The following TSPAN9 variants were observed in gnomAD, a reference collection of about 807,000 sequenced individuals.
TSPAN9 encodes tetraspanin-9.
A neutral mutation model predicts 31.0 loss-of-function variants in TSPAN9; 16 were observed. That is an observed-to-expected ratio of 0.52 (90% CI 0.35 to 0.78). TSPAN9 has a LOEUF of 0.78. Ranked by LOEUF, TSPAN9 falls within the 30% of genes least tolerant of loss-of-function variation. The probability of loss-of-function intolerance (pLI) is 0.01; values close to 1 mark genes in which losing one functional copy is unlikely to be tolerated. For missense variants in TSPAN9, 272 were observed against 312.5 expected (o/e 0.87, Z 0.98); for synonymous variants, 145 against 121.6 (o/e 1.19, Z -1.27).
At chr12:3,264,550 G>T (rs1441058594) in intron 3 of TSPAN9, among the ~76,000 whole-genome samples, 2 of 152,206 alleles carry the variant, frequency 1.3e-5, no homozygotes, top group African/African-American at 4.8e-5. Flanking sequence ...GCTGCTGCAG[G>T]CCTGGGTGGA....
At chr12:3,117,862 G>A (rs916144888) in intron 2 of TSPAN9, among the ~76,000 whole-genome samples, 5 of 152,220 alleles carry the variant, frequency 3.3e-5, no homozygotes, top group South Asian at 2.1e-4. Context: ...CCCCTCCAGC[G>A]AGAGGAAGCA....
At chr12:3,202,593 C>G (rs374716536) in intron 3 of TSPAN9, among the ~76,000 whole-genome samples, 1 of 152,074 alleles carries the variant, frequency 6.6e-6, no homozygotes, top group Non-Finnish European at 1.5e-5. Context: ...TAGGGGCTGT[C>G]GTGATGGTCT....
At chr12:3,218,030 C>G (rs1218145735) in intron 3 of TSPAN9, among the ~76,000 whole-genome samples, 1 of 152,028 alleles carries the variant, frequency 6.6e-6, no homozygotes, top group Non-Finnish European at 1.5e-5. Context: ...TTGGGGCCAG[C>G]TGAGTTTTGC....
chr12:3,184,595 G>A (rs900084463), intron 2 of TSPAN9, among the ~76,000 whole-genome samples: 1 of 152,168 alleles, frequency 6.6e-6, no homozygotes, highest in African/African-American at 2.4e-5. Flanking sequence ...GCTCCCCGAT[G>A]ATAGCACCGT....
intron 2 of TSPAN9, among the ~76,000 whole-genome samples, chr12:3,165,630 G>A (rs11832874): frequency 0.041 from 6,297 of 152,222 alleles, 429 homozygotes; most frequent in African/African-American, 0.14. Context: ...AGAGTTGCTC[G>A]CAAAGCTGTG....
intron 3 of TSPAN9, among the ~76,000 whole-genome samples, chr12:3,273,556 C>T (rs551744255): frequency 6.6e-6 from 1 of 152,228 alleles, no homozygotes; most frequent in Non-Finnish European, 1.5e-5. Context: ...AGACAAACCC[C>T]TGGTTTTGGA....
chr12:3,216,643 G>A (rs533091157), intron 3 of TSPAN9, among the ~76,000 whole-genome samples: 1 of 152,244 alleles, frequency 6.6e-6, no homozygotes, highest in African/African-American at 2.4e-5. Flanking sequence ...ACTGGAACCC[G>A]GAGTGGCCCT....
intron 2 of TSPAN9, among the ~76,000 whole-genome samples, chr12:3,106,205 CAT>C (rs2098314614): frequency 6.6e-6 from 1 of 152,262 alleles, no homozygotes; most frequent in South Asian, 2.1e-4. Context: ...TTGGGGGACA[CAT>C]GTCAGAGACG....
chr12:3,131,601 T>C (rs1591640909), intron 2 of TSPAN9, among the ~76,000 whole-genome samples: 2 of 152,138 alleles, frequency 1.3e-5, no homozygotes, highest in Admixed American at 1.3e-4. Flanking sequence ...ATGCTGGCTG[T>C]GATGTGTGCT....
At chr12:3,121,533 C>CTTTTTTTT (rs59376087) in intron 2 of TSPAN9, among the ~76,000 whole-genome samples, 7 of 92,914 alleles carry the variant, frequency 7.5e-5, no homozygotes, top group South Asian at 3.8e-4. Flanking sequence ...CTAATTAAAA[C>CTTTTTTTT]TTTTTTTTTT....
chr12:3,198,549 CCACCACCAGCACAGGT>C (rs1565610421), intron 2 of TSPAN9, among the ~76,000 whole-genome samples: 33 of 106,938 alleles, frequency 3.1e-4, no homozygotes, highest in Non-Finnish European at 3.8e-4. Flanking sequence ...CCAGCACAGG[CCACCACCAGCACAGGT>C]CACCACCAGC....
At chr12:3,081,838 G>A (rs75627280) in intron 1 of TSPAN9, among the ~76,000 whole-genome samples, 7,008 of 30,710 alleles carry the variant, frequency 0.23, 359 homozygotes, top group South Asian at 0.35. Context: ...GTGTGTGTCT[G>A]TGTGTGTATA....
In TSPAN9 at chr12:3,137,616, G is replaced by C. The variant is rs566114454; in HGVS notation, c.-18+53897G>C. 1.1e-3 allele frequency among the ~76,000 whole-genome samples: 162 copies of C among 152,226 alleles called. 3 individuals carry two copies. Among genetic ancestry groups the C allele is most frequent in the Non-Finnish European group, 1.3e-3 (91 of 68,000 alleles). On this transcript the variant is annotated intron_variant, in intron 2 of 8. Transcript: ENST00000011898. Reference sequence around the variant, plus strand: ...CAGATGGAGGAGGGCTCTATCCCAGGCTCCAACATCCTGCTTGGCTCATCT... The same window carrying C: ...CAGATGGAGGAGGGCTCTATCCCAGCCTCCAACATCCTGCTTGGCTCATCT...
intron 2 of TSPAN9, among the ~76,000 whole-genome samples, chr12:3,153,316 G>A (rs2098340742): frequency 1.3e-5 from 2 of 152,178 alleles, no homozygotes; most frequent in East Asian, 3.9e-4. Context: ...AAAGAAATAG[G>A]GGTATAAAAT....
At chr12:3,258,484 T>C (rs967553775) in intron 3 of TSPAN9, among the ~76,000 whole-genome samples, 2 of 152,210 alleles carry the variant, frequency 1.3e-5, no homozygotes, top group Admixed American at 6.5e-5. Context: ...CTGGGTCATG[T>C]AGCTTGCTGT....
chr12:3,275,664 G>A (rs777795744), intron 3 of TSPAN9, among the ~76,000 whole-genome samples: 1 of 152,256 alleles, frequency 6.6e-6, no homozygotes, highest in Non-Finnish European at 1.5e-5. Flanking sequence ...GTTCCCTGGC[G>A]AAGCTTTGTG....
intron 3 of TSPAN9, among the ~76,000 whole-genome samples, chr12:3,206,677 G>A (rs2098375416): frequency 6.6e-6 from 1 of 151,996 alleles, no homozygotes; most frequent in African/African-American, 2.4e-5. Context: ...GCTGGCAGAT[G>A]CTCTGTGGCT....
At chr12:3,250,441 C>T (rs1862227127) in intron 3 of TSPAN9, among the ~76,000 whole-genome samples, 1 of 152,180 alleles carries the variant, frequency 6.6e-6, no homozygotes, top group South Asian at 2.1e-4. Context: ...TTTTAGGGTT[C>T]ACCCATCATG....
At chr12:3,206,551 A>G (rs2098375302) in intron 3 of TSPAN9, 1 of 190,076 alleles carries the variant, frequency 5.3e-6, no homozygotes, top group Non-Finnish European at 1.2e-5. Flanking sequence ...TATTCCTGTC[A>G]GTAAGAGAGG....
Sources: gnomAD v4.1 joint callset for allele counts (sites outside exome capture counted in the v4.1 genomes callset) on GRCh38, gnomAD v4.1.1 for gene constraint, MANE v1.5 for transcripts, NCBI Gene and HGNC (gene_info 2026-07-23, HGNC 2026-07-21) for gene names.